Variants in GFRA2 observed in about 807,000 individuals in gnomAD.
The protein encoded by GFRA2 is GDNF family receptor alpha-2.
GFRA2 carries 17 observed loss-of-function variants against 48.3 expected under a neutral mutation model. The observed-to-expected ratio is 0.35, with a 90% CI of 0.24 to 0.53. The LOEUF is 0.53. GFRA2 is among the 20% of genes least tolerant of loss of function. GFRA2 has a pLI of 0.93. For missense variants in GFRA2, 660 were observed against 637.3 expected, an observed-to-expected ratio of 1.04 and a Z score of -0.38; for synonymous variants, 305 against 257.2, an observed-to-expected ratio of 1.19 and a Z score of -1.78.
chr8:21,751,792 G>C (rs1180000980), intron 3 of GFRA2, among the ~76,000 whole-genome samples: 5 of 152,120 alleles, frequency 3.3e-5, no homozygotes, highest in African/African-American at 9.7e-5. Context: ...CTAATCACTT[G>C]CCCATTAAAG....
intron 3 of GFRA2, among the ~76,000 whole-genome samples, chr8:21,755,300 C>T (rs1213875686): frequency 1.3e-5 from 2 of 152,072 alleles, no homozygotes; most frequent in Non-Finnish European, 2.9e-5. Context: ...GTTGAAGAGG[C>T]TGTGCCTGGG....
chr8:21,800,396 G>A (rs1055025470), intron 2 of GFRA2, among the ~76,000 whole-genome samples: 12 of 152,206 alleles, frequency 7.9e-5, no homozygotes, highest in Non-Finnish European at 1.2e-4. Flanking sequence ...GCATTCACAC[G>A]CCACTCCCTC....
chr8:21,736,261 A>G (rs1463599599), intron 4 of GFRA2, among the ~76,000 whole-genome samples: 1 of 152,222 alleles, frequency 6.6e-6, no homozygotes, highest in Non-Finnish European at 1.5e-5. Flanking sequence ...TCAGGAAAAA[A>G]CAGACTCTCA....
At chr8:21,786,698 G>A (rs1233809316) in intron 1 of GFRA2, among the ~76,000 whole-genome samples, 4 of 152,146 alleles carry the variant, frequency 2.6e-5, no homozygotes, top group African/African-American at 9.7e-5. Flanking sequence ...TGCCCCCTTG[G>A]GGACTCGCAC....
intron 3 of GFRA2, among the ~76,000 whole-genome samples, chr8:21,770,354 C>T (rs1025605943): frequency 5.9e-5 from 9 of 152,382 alleles, no homozygotes; most frequent in Non-Finnish European, 4.4e-5. Flanking sequence ...CAAGCACTCA[C>T]CTGCACTATC....
chr8:21,764,456 A>G (rs1165425876), intron 3 of GFRA2, among the ~76,000 whole-genome samples: 1 of 152,260 alleles, frequency 6.6e-6, no homozygotes, highest in Non-Finnish European at 1.5e-5. Context: ...GTTGGGCAGC[A>G]GGACCAAATA....
At chr8:21,710,023 T>G (rs532575852) in intron 4 of GFRA2, among the ~76,000 whole-genome samples, 64 of 152,120 alleles carry the variant, frequency 4.2e-4, no homozygotes, top group Admixed American at 7.8e-4. Flanking sequence ...GGTGAAAGCA[T>G]CCAGACCCAG....
At chr8:21,732,679 T>A (rs1178007225) in intron 4 of GFRA2, among the ~76,000 whole-genome samples, 1 of 152,212 alleles carries the variant, frequency 6.6e-6, no homozygotes, top group Non-Finnish European at 1.5e-5. Context: ...GCAGCTCAGT[T>A]CACTGCAGCT....
chr8:21,786,705 G>A (rs368086286), intron 1 of GFRA2, among the ~76,000 whole-genome samples: 4 of 152,158 alleles, frequency 2.6e-5, no homozygotes, highest in East Asian at 3.9e-4. Context: ...TTGGGGACTC[G>A]CACCTGGCGG....
intron 7 of GFRA2, among the ~76,000 whole-genome samples, chr8:21,701,673 A>G (rs989777861): frequency 6.6e-6 from 1 of 152,194 alleles, no homozygotes; most frequent in African/African-American, 2.4e-5. Context: ...GCACTTTCGC[A>G]TGTATCATGT....
intron 2 of GFRA2, among the ~76,000 whole-genome samples, chr8:21,794,391 C>T (rs987594377): frequency 5.8e-4 from 88 of 151,982 alleles, no homozygotes; most frequent in African/African-American, 1.9e-3. Context: ...GCTGAGATTA[C>T]AGGCACCCAC....
At chr8:21,740,308 C>G (rs1466666787) in intron 4 of GFRA2, among the ~76,000 whole-genome samples, 1 of 152,170 alleles carries the variant, frequency 6.6e-6, no homozygotes, top group Non-Finnish European at 1.5e-5. Flanking sequence ...ACCCAAAGGG[C>G]AAACATCTTC....
At chr8:21,810,683 A>C (rs1297878151) in intron 1 of GFRA2, among the ~76,000 whole-genome samples, 1 of 152,188 alleles carries the variant, frequency 6.6e-6, no homozygotes, top group Non-Finnish European at 1.5e-5. Flanking sequence ...CAGTGGTAAC[A>C]GTAGAGATGT....
intron 4 of GFRA2, among the ~76,000 whole-genome samples, chr8:21,724,258 T>C (rs1289919621): frequency 6.6e-6 from 1 of 152,124 alleles, no homozygotes; most frequent in Non-Finnish European, 1.5e-5. Context: ...TGGTGTTCCA[T>C]CTCGTTGCCC....
At chr8:21,793,866 G>GTTTT (rs770753159), upstream of GFRA2, among the ~76,000 whole-genome samples, 166 of 135,336 alleles carry the variant, frequency 1.2e-3, 2 homozygotes, top group Middle Eastern at 3.8e-3. Context: ...GAGAATCAAA[G>GTTTT]TTTTTTTTTT....
chr8:21,729,635 A>G (rs1041911077), intron 4 of GFRA2, among the ~76,000 whole-genome samples: 2 of 152,220 alleles, frequency 1.3e-5, no homozygotes, highest in African/African-American at 4.8e-5. Context: ...CCACAGACAC[A>G]CACAGACAAG....
intron 4 of GFRA2, among the ~76,000 whole-genome samples, chr8:21,716,662 C>G (rs1303416059): frequency 6.6e-6 from 1 of 152,182 alleles, no homozygotes; most frequent in East Asian, 1.9e-4. Flanking sequence ...CATGCCACAG[C>G]CAGAGATAAA....
At chr8:21,778,698 C>T (rs1331267781) in intron 2 of GFRA2, among the ~76,000 whole-genome samples, 1 of 152,138 alleles carries the variant, frequency 6.6e-6, no homozygotes, top group Non-Finnish European at 1.5e-5. Context: ...TGAGGACAGC[C>T]TGGGCAATAT....
chr8:21,745,032 G>C (rs1172415177), intron 4 of GFRA2, among the ~76,000 whole-genome samples: 2 of 152,230 alleles, frequency 1.3e-5, no homozygotes, highest in African/African-American at 4.8e-5. Context: ...CCAGCAAGCA[G>C]ATATCCTTGT....
Sources: gnomAD v4.1 joint callset for allele counts (sites outside exome capture counted in the v4.1 genomes callset) on GRCh38, gnomAD v4.1.1 for gene constraint, MANE v1.5 for transcripts, NCBI Gene and HGNC (gene_info 2026-07-23, HGNC 2026-07-21) for gene names.